SRFBP1: variants seen among roughly 807,000 people sequenced by gnomAD.
SRFBP1 encodes serum response factor binding protein 1, also known as serum response factor-binding protein 1.
A neutral mutation model predicts 45.5 loss-of-function variants in SRFBP1; 47 were observed. The ratio of observed to expected loss-of-function variants is 1.03; its 90% confidence interval spans 0.82 to 1.32. SRFBP1 has a LOEUF of 1.32. SRFBP1 is among the 40% of genes most tolerant of loss of function. The pLI, the probability that SRFBP1 is intolerant of heterozygous loss-of-function variation, is 0.00. For missense variants in SRFBP1, 621 were observed against 484.6 expected, an observed-to-expected ratio of 1.28 and a Z score of -2.64; for synonymous variants, 203 against 166.3, an observed-to-expected ratio of 1.22 and a Z score of -1.70.
intron 1 of SRFBP1, among the ~76,000 whole-genome samples, chr5:121,964,154 A>G (rs996202267): frequency 1.3e-5 from 2 of 152,070 alleles, no homozygotes; most frequent in Non-Finnish European, 2.9e-5. Flanking sequence ...CTACTGTACT[A>G]GCTTCCCAAC....
intron 2 of SRFBP1, among the ~76,000 whole-genome samples, chr5:122,055,788 G>A (rs62381257): frequency 0.12 from 18,456 of 152,154 alleles, 1,537 homozygotes; most frequent in Non-Finnish European, 0.18. Flanking sequence ...ACACAATGAG[G>A]ATGGTTGCTA....
chr5:122,054,244 G>A (rs139912160), intron 2 of SRFBP1, among the ~76,000 whole-genome samples: 3 of 152,308 alleles, frequency 2.0e-5, no homozygotes, highest in Middle Eastern at 3.4e-3. Context: ...GAGGTCCAGG[G>A]GGATTCTCCT....
intron 2 of SRFBP1, among the ~76,000 whole-genome samples, chr5:122,054,689 TTCTC>T (rs1754048779): frequency 6.6e-6 from 1 of 152,242 alleles, no homozygotes; most frequent in African/African-American, 2.4e-5. Flanking sequence ...ATATTTATCT[TTCTC>T]TCAGCTTCCT....
intron 4 of SRFBP1, among the ~76,000 whole-genome samples, chr5:122,012,684 C>T (rs775180119): frequency 6.6e-6 from 1 of 152,074 alleles, no homozygotes; most frequent in East Asian, 1.9e-4. Flanking sequence ...ATATATGTCT[C>T]TCCTACAATA....
intron 2 of SRFBP1, among the ~76,000 whole-genome samples, chr5:122,060,600 C>A (rs1257392610): frequency 6.6e-6 from 1 of 152,090 alleles, no homozygotes; most frequent in Admixed American, 6.6e-5. Context: ...GAAATACCTT[C>A]CCCTGAGCTT....
rs1159080099 is a variant in SRFBP1 at position 122,019,215 on chromosome 5, T to C, written c.271-45T>C. 2.6e-6 allele frequency: 4 copies of C among 1,510,042 alleles called. No homozygotes were observed. In the Admixed American group the frequency reaches 6.9e-5, roughly 26 times the overall value. 93.5% of individuals were successfully genotyped at this position (1,510,042 alleles called of 1,614,324 possible). Reference sequence around the variant, plus strand: ...ATTTTATTCACTTTCAATAGTGTCATTTTTATTTCATTCCCATACGTTTAT... The same window carrying C: ...ATTTTATTCACTTTCAATAGTGTCACTTTTATTTCATTCCCATACGTTTAT... On this transcript the variant is annotated intron_variant, in intron 4 of 7. Coordinates refer to ENST00000339397, the MANE Select transcript of SRFBP1 (RefSeq NM_152546.3).
intron 2 of SRFBP1, among the ~76,000 whole-genome samples, chr5:122,035,794 T>A (rs939109525): frequency 1.3e-5 from 2 of 152,160 alleles, no homozygotes; most frequent in Non-Finnish European, 2.9e-5. Flanking sequence ...GACAATGCAA[T>A]CTACCATAAG....
At chr5:122,058,401 A>G (rs1408333905) in intron 2 of SRFBP1, among the ~76,000 whole-genome samples, 1 of 151,958 alleles carries the variant, frequency 6.6e-6, no homozygotes. Flanking sequence ...TATTTGATTG[A>G]TTTCCTTGGG....
intron 4 of SRFBP1, among the ~76,000 whole-genome samples, chr5:121,999,869 G>C (rs1752819879): frequency 6.6e-6 from 1 of 151,960 alleles, no homozygotes; most frequent in African/African-American, 2.4e-5. Context: ...GCATATACTT[G>C]GATCATGCTT....
intron 5 of SRFBP1, 113 bp downstream of exon 5, chr5:122,019,454 A>C: frequency 1.2e-6 from 1 of 861,278 alleles, no homozygotes; most frequent in Non-Finnish European, 1.7e-6. Flanking sequence ...AGTTTCTTTC[A>C]AATATTTACC....
chr5:122,009,953 T>C (rs1753056639), intron 4 of SRFBP1, among the ~76,000 whole-genome samples: 1 of 152,184 alleles, frequency 6.6e-6, no homozygotes, highest in Non-Finnish European at 1.5e-5. Context: ...ATGCTTCTTT[T>C]CTGGCACTCA....
intron 2 of SRFBP1, among the ~76,000 whole-genome samples, chr5:122,062,536 T>G (rs1754189462): frequency 6.6e-6 from 1 of 152,056 alleles, no homozygotes; most frequent in Admixed American, 6.6e-5. Flanking sequence ...ATCTTTGAAT[T>G]AATAACAAAA....
At chr5:122,076,935 A>G (rs1203845724), downstream of SRFBP1, 5 of 1,613,692 alleles carry the variant, frequency 3.1e-6, no homozygotes, top group African/African-American at 1.3e-5. Flanking sequence ...CAGGTTGTAC[A>G]TGGACATCTT....
chr5:122,019,726 C>T (rs926797177), intron 5 of SRFBP1, among the ~76,000 whole-genome samples: 1 of 151,186 alleles, frequency 6.6e-6, no homozygotes, highest in African/African-American at 2.4e-5. Context: ...TCACATGATA[C>T]TGAATTTTAT....
At chr5:122,002,317 A>C (rs1211024064) in intron 4 of SRFBP1, among the ~76,000 whole-genome samples, 1 of 152,326 alleles carries the variant, frequency 6.6e-6, no homozygotes, top group Admixed American at 6.5e-5. Context: ...TTTCATTCTT[A>C]TTCATTCTTC....
intron 7 of SRFBP1, among the ~76,000 whole-genome samples, chr5:122,025,171 C>T (rs997899758): frequency 4.6e-5 from 7 of 151,498 alleles, no homozygotes; most frequent in Non-Finnish European, 8.8e-5. Context: ...TCCATGTGTT[C>T]TCATTGTTCA....
At position 122,020,711 on chromosome 5, in the gene SRFBP1, A is replaced by G; in HGVS notation, c.976A>G (p.Thr326Ala). Residue 326 changes from threonine to alanine, a missense_variant, in exon 6 of 8, where the codon ACA (threonine) becomes GCA (alanine). Thr to Ala is a moderately conservative substitution (Grantham distance 58). Transcript: ENST00000339397. ...KEDTGETHGD[T>A]RNDKIKPSTE... is the part of the protein sequence containing the mutation. ...AGATACAGGTGAAACTCATGGGGAT[A>G]CAAGAAATGACAAAATCAAGCCAAG... 3 of 1,612,400 alleles carry G rather than the reference A, an allele frequency of 1.9e-6. No individual in the cohort carries two copies. Among genetic ancestry groups the G allele is most frequent in the Non-Finnish European group, 2.5e-6 (3 of 1,179,612 alleles).
chr5:121,976,643 T>A (rs944458493), intron 3 of SRFBP1, among the ~76,000 whole-genome samples: 2 of 151,632 alleles, frequency 1.3e-5, no homozygotes, highest in Non-Finnish European at 2.9e-5. Context: ...TGAATAGTCA[T>A]TTTTGTAGTC....
chr5:121,988,092 G>C (rs1752551362), intron 3 of SRFBP1, among the ~76,000 whole-genome samples: 1 of 152,152 alleles, frequency 6.6e-6, no homozygotes, highest in African/African-American at 2.4e-5. Context: ...TAATTCTGAT[G>C]GATCTGGCTA....
Sources: gnomAD v4.1 joint callset for allele counts (sites outside exome capture counted in the v4.1 genomes callset) on GRCh38, gnomAD v4.1.1 for gene constraint, MANE v1.5 for transcripts, NCBI Gene and HGNC (gene_info 2026-07-23, HGNC 2026-07-21) for gene names.